The following LRRC8C variants were observed in gnomAD, a reference collection of about 807,000 sequenced individuals.
The protein encoded by LRRC8C is volume-regulated anion channel subunit LRRC8C.
A neutral mutation model predicts 55.3 loss-of-function variants in LRRC8C; 20 were observed. The ratio of observed to expected loss-of-function variants is 0.36; its 90% CI spans 0.25 to 0.53. The LOEUF (loss-of-function observed/expected upper bound fraction) is 0.53, where lower values mean the gene tolerates loss of function less well. LRRC8C is among the 20% of genes least tolerant of loss of function. LRRC8C has a pLI of 0.92. For synonymous variants in LRRC8C, 376 were observed against 360.7 expected (o/e 1.04, Z -0.48); for missense variants, 659 against 951.4 (o/e 0.69, Z 4.04).
At chr1:89,703,544 T>G (rs1658389278) in intron 2 of LRRC8C, among the ~76,000 whole-genome samples, 1 of 139,728 alleles carries the variant, frequency 7.2e-6, no homozygotes, top group Non-Finnish European at 1.5e-5. Context: ...CAAGTACAGA[T>G]TGTAAAAAAA....
chr1:89,645,887 G>C (rs1171174593), intron 1 of LRRC8C, among the ~76,000 whole-genome samples: 3 of 152,018 alleles, frequency 2.0e-5, no homozygotes, highest in East Asian at 1.9e-4. Flanking sequence ...TAAAAATATA[G>C]CATTGAAATT....
chr1:89,715,093 C>T lies in LRRC8C; in HGVS notation c.*111C>T. On this transcript the variant is annotated 3_prime_UTR_variant, in exon 3 of 3. Transcript: ENST00000370454. ...TTTTTTCCTTTTCACACAAAATGTA[C>T]ACAAAGATCGCGTAAGGAGTATGTA... is the stretch of plus-strand genomic sequence containing the variant. 1 of 605,518 alleles carries T rather than the reference C, an allele frequency of 1.7e-6. No individual in the cohort carries two copies. Among genetic ancestry groups the T allele is most frequent in the Non-Finnish European group, 2.7e-6 (1 of 369,882 alleles). 37.5% of individuals were successfully genotyped at this position (605,518 alleles called of 1,614,324 possible). A position where few individuals can be genotyped will look rare whatever the true frequency, so the allele number is the denominator to read the frequency against.
intron 1 of LRRC8C, among the ~76,000 whole-genome samples, chr1:89,670,758 T>C (rs1657392027): frequency 6.6e-6 from 1 of 152,230 alleles, no homozygotes; most frequent in Non-Finnish European, 1.5e-5. Context: ...ATCTATTCCA[T>C]CTTTAAATTT....
rs140015586 is a variant in LRRC8C at position 89,672,855 on chromosome 1, T to C, written c.-4-13615T>C. Among the ~76,000 whole-genome samples the C allele has an allele frequency of 6.6e-3, 1,008 of 152,292 alleles. 5 individuals are homozygous for C. The highest frequency in any genetic ancestry group is 9.1e-3 in the Non-Finnish European group (619 of 68,026). Reference sequence around the variant, plus strand: ...TTTATATCTGTGTTACCTAATGTTTTAGGTTTCTAAAACATTAGGCTGTGT... The same window carrying C: ...TTTATATCTGTGTTACCTAATGTTTCAGGTTTCTAAAACATTAGGCTGTGT... On this transcript the variant is annotated intron_variant, in intron 1 of 2. Coordinates refer to ENST00000370454, the MANE Select transcript of LRRC8C (RefSeq NM_032270.5).
At chr1:89,709,635 AG>A (rs757990322) in intron 2 of LRRC8C, among the ~76,000 whole-genome samples, 1 of 152,160 alleles carries the variant, frequency 6.6e-6, no homozygotes, top group Non-Finnish European at 1.5e-5. Context: ...GTTGCTTTGC[AG>A]GGACTTAGCA....
intron 1 of LRRC8C, among the ~76,000 whole-genome samples, chr1:89,635,538 T>G (rs1007700916): frequency 6.6e-6 from 1 of 152,220 alleles, no homozygotes; most frequent in African/African-American, 2.4e-5. Context: ...AGTTAGTGCC[T>G]GAATGAAGCC....
intron 1 of LRRC8C, among the ~76,000 whole-genome samples, chr1:89,639,000 A>ATTTTATTTTATTTTATTTTATTT (rs1219055521): frequency 1.3e-5 from 2 of 150,810 alleles, no homozygotes; most frequent in East Asian, 2.0e-4. Context: ...ATTTTATTTG[A>ATTTTATTTTATTTTATTTTATTT]GACAGAGTTT....
intron 1 of LRRC8C, among the ~76,000 whole-genome samples, chr1:89,654,177 A>T (rs934556550): frequency 1.3e-5 from 2 of 152,192 alleles, no homozygotes; most frequent in Admixed American, 1.3e-4. Context: ...TCAGAAACAA[A>T]TAGTGTATGT....
At chr1:89,633,347 G>A (rs1021239612) in intron 1 of LRRC8C, 25 bp downstream of exon 1, 2 of 152,340 alleles carry the variant, frequency 1.3e-5, no homozygotes, top group African/African-American at 4.8e-5. Context: ...TCCGCGGAGG[G>A]ATGGAGAGGG....
chr1:89,714,414 A>G lies in LRRC8C; in HGVS notation c.1844A>G (p.Gln615Arg), dbSNP rs779955508. ...GCTGTGTTCAGCCTACTCAGCCTCC[A>G]GGAATTGGACCTGAAGGAAAACAAT... ...PHAVFSLLSL[Q>R]ELDLKENNLK... Residue 615 changes from glutamine to arginine, a missense_variant, in exon 3 of 3, where the codon CAG (glutamine) becomes CGG (arginine). Physicochemically the swap from Gln to Arg is conservative, Grantham distance 43. Coordinates refer to ENST00000370454, the MANE Select transcript of LRRC8C (RefSeq NM_032270.5). The surrounding 1 kb of genome is among the most constrained non-coding windows in gnomAD (Gnocchi z 4.6). 2.5e-6 allele frequency: 4 copies of G among 1,614,194 alleles called. No homozygotes were observed. The highest frequency in any genetic ancestry group is 1.7e-5 in the Admixed American group (1 of 60,024).
chr1:89,660,477 C>T (rs1226046473), intron 1 of LRRC8C, among the ~76,000 whole-genome samples: 1 of 152,160 alleles, frequency 6.6e-6, no homozygotes, highest in East Asian at 1.9e-4. Context: ...CCAGATGATT[C>T]CAATGTGCAG....
At chr1:89,678,710 A>C (rs1657617870) in intron 1 of LRRC8C, among the ~76,000 whole-genome samples, 1 of 144,960 alleles carries the variant, frequency 6.9e-6, no homozygotes, top group Non-Finnish European at 1.5e-5. Context: ...AAAAAAAAAA[A>C]AAAACGAAAG....
chr1:89,684,212 A>G (rs543296291), intron 1 of LRRC8C, among the ~76,000 whole-genome samples: 2 of 152,308 alleles, frequency 1.3e-5, no homozygotes, highest in South Asian at 4.1e-4. Flanking sequence ...AAAAAGTTAG[A>G]GAGCCACTGC....
At chr1:89,670,941 C>G (rs1391166337) in intron 1 of LRRC8C, among the ~76,000 whole-genome samples, 1 of 152,206 alleles carries the variant, frequency 6.6e-6, no homozygotes. Flanking sequence ...CTGGCTTATG[C>G]AAGCCCCTTG....
At position 89,653,995 on chromosome 1, in the gene LRRC8C, A is replaced by G. The variant is rs143951247; in HGVS notation, c.-5+20673A>G. ...ATGGAATCAATCTAAGTGTCCATCA[A>G]TGGATGACTGGATAAAGAAAATGTG... is the stretch of plus-strand genomic sequence containing the variant. On this transcript the variant is annotated intron_variant, in intron 1 of 2. Coordinates refer to ENST00000370454, the MANE Select transcript of LRRC8C (RefSeq NM_032270.5). Among the ~76,000 whole-genome samples the G allele has an allele frequency of 1.8e-3, 277 of 152,340 alleles. 1 individual carries two copies. Among genetic ancestry groups the G allele is most frequent in the African/African-American group, 6.1e-3 (254 of 41,578 alleles).
At chr1:89,673,376 A>G (rs554736361) in intron 1 of LRRC8C, among the ~76,000 whole-genome samples, 1 of 152,268 alleles carries the variant, frequency 6.6e-6, no homozygotes, top group Non-Finnish European at 1.5e-5. Flanking sequence ...CAACCGTTTA[A>G]AAAAATATAT....
chr1:89,646,223 T>C (rs553224653), intron 1 of LRRC8C, among the ~76,000 whole-genome samples: 1 of 151,294 alleles, frequency 6.6e-6, no homozygotes, highest in South Asian at 2.1e-4. Context: ...TGAGGGGGAG[T>C]AGGGGATGGA....
Position 89,681,536 on chromosome 1 carries a change from G to A in LRRC8C, c.-4-4934G>A, listed in dbSNP as rs540749374. ...TCATTTATAAAGAAAAAGGTTTAAT[G>A]GACTCACAGTTCCACATGGCCTCAC... On this transcript the variant is annotated intron_variant, in intron 1 of 2. Coordinates refer to ENST00000370454, the MANE Select transcript of LRRC8C (RefSeq NM_032270.5). Among the ~76,000 whole-genome samples, 31 of 152,280 alleles carry A rather than the reference G, an allele frequency of 2.0e-4. No individual in the cohort carries two copies. In the South Asian group the frequency reaches 6.4e-3, roughly 32 times the overall value.
intron 1 of LRRC8C, among the ~76,000 whole-genome samples, chr1:89,674,324 A>C (rs183647516): frequency 6.6e-6 from 1 of 152,168 alleles, no homozygotes; most frequent in Non-Finnish European, 1.5e-5. Context: ...GCCCTTTCTC[A>C]GCTTCTAGAA....
Sources: gnomAD v4.1 joint callset for allele counts (sites outside exome capture counted in the v4.1 genomes callset) on GRCh38, gnomAD v4.1.1 for gene constraint, Gnocchi (gnomAD v3.1) non-coding constraint, MANE v1.5 for transcripts, NCBI Gene and HGNC (gene_info 2026-07-23, HGNC 2026-07-21) for gene names.